Variants in TMEM272 observed in about 807,000 individuals in gnomAD.
The protein encoded by TMEM272 is transmembrane protein 272.
In TMEM272, 8 loss-of-function variants were observed where a neutral mutation model predicts 3.7. The ratio of observed to expected loss-of-function variants is 2.17; its 90% CI spans 1.27 to 3.91. The LOEUF is 3.91. Ranked by LOEUF, TMEM272 falls within the 30% of genes most tolerant of loss-of-function variation. The probability of loss-of-function intolerance (pLI) is 0.00; values close to 1 mark genes in which losing one functional copy is unlikely to be tolerated. For synonymous variants in TMEM272, 63 were observed against 39.8 expected, an observed-to-expected ratio of 1.58 and a Z score of -2.20; for missense variants, 166 against 91.5, an observed-to-expected ratio of 1.81 and a Z score of -3.32.
At chr13:51,909,377 G>A in the TMEM272 span, 22 of 866,680 alleles carry the variant, frequency 2.5e-5, no homozygotes, top group South Asian at 6.6e-5. Context: ...TGATCATTTC[G>A]TCTACTTTAG....
At chr13:51,901,217 TGAAG>T in the TMEM272 span, among the ~76,000 whole-genome samples, 4 of 152,140 alleles carry the variant, frequency 2.6e-5, no homozygotes, top group African/African-American at 9.7e-5. Flanking sequence ...CACAAAATTG[TGAAG>T]GAAGAGAACC....
intron 3 of TMEM272, among the ~76,000 whole-genome samples, chr13:51,825,511 T>C (rs563353845): frequency 6.6e-6 from 1 of 152,310 alleles, no homozygotes; most frequent in African/African-American, 2.4e-5. Flanking sequence ...GCAATTAGGG[T>C]ACTGGGTGTT....
chr13:51,916,119 T>C, the TMEM272 span, among the ~76,000 whole-genome samples: 301 of 152,298 alleles, frequency 2.0e-3, 2 homozygotes, highest in African/African-American at 6.9e-3. Context: ...GGAACGTGTA[T>C]GTGCTGGAGG....
intron 2 of TMEM272, among the ~76,000 whole-genome samples, chr13:51,832,083 T>C (rs999787466): frequency 1.3e-5 from 2 of 152,314 alleles, no homozygotes; most frequent in Non-Finnish European, 1.5e-5. Context: ...AGACAGACTA[T>C]TGGGAAGGGT....
At chr13:51,870,960 G>T in the TMEM272 span, among the ~76,000 whole-genome samples, 3 of 152,202 alleles carry the variant, frequency 2.0e-5, no homozygotes, top group African/African-American at 7.2e-5. Context: ...TATTGCAGAA[G>T]ATGGTGGTAT....
At chr13:51,836,586 C>T (rs1249028140) in intron 2 of TMEM272, among the ~76,000 whole-genome samples, 1 of 152,136 alleles carries the variant, frequency 6.6e-6, no homozygotes, top group Non-Finnish European at 1.5e-5. Context: ...GCCACCTGTC[C>T]CTCACTGGTA....
At chr13:51,865,414 G>A in the TMEM272 span, 4 of 1,607,556 alleles carry the variant, frequency 2.5e-6, no homozygotes, top group Non-Finnish European at 1.7e-6. Flanking sequence ...TAAGGAAGAT[G>A]TTTTCCTTCA....
At chr13:51,863,516 G>A in the TMEM272 span, among the ~76,000 whole-genome samples, 3 of 152,098 alleles carry the variant, frequency 2.0e-5, no homozygotes, top group African/African-American at 7.2e-5. Context: ...TCTGGATCTC[G>A]GCTAGGAGGG....
At chr13:51,911,094 C>T in the TMEM272 span, among the ~76,000 whole-genome samples, 2 of 152,312 alleles carry the variant, frequency 1.3e-5, no homozygotes, top group East Asian at 1.9e-4. Flanking sequence ...GAAATACCTG[C>T]CACCTTATCA....
At chr13:51,819,033 G>C (rs561732588) in intron 4 of TMEM272, among the ~76,000 whole-genome samples, 7 of 152,298 alleles carry the variant, frequency 4.6e-5, no homozygotes, top group Admixed American at 1.3e-4. Context: ...CCTAAGACTT[G>C]CAGCCCGGCT....
Position 51,813,569 on chromosome 13 carries a change from G to A in TMEM272, c.*3182C>T, listed in dbSNP as rs945925778. On this transcript the variant is annotated 3_prime_UTR_variant, in exon 5 of 5. Transcript: ENST00000629372. The stretch of plus-strand genomic sequence containing the variant: ...CCAGTCCAGGCTGTATGTGTGGCCC[G>A]AGTGCACACATGCGGTTTCTCTGGC... 1.8e-5 allele frequency: 5 copies of A among 283,370 alleles called. No individual in the cohort carries two copies. Among genetic ancestry groups the A allele is most frequent in the African/African-American group, 8.7e-5 (4 of 45,768 alleles). The allele number at this position is 283,370 out of a possible 1,614,324, so 17.6% of individuals were successfully genotyped here.
At chr13:51,871,803 C>T in the TMEM272 span, among the ~76,000 whole-genome samples, 1 of 138,902 alleles carries the variant, frequency 7.2e-6, no homozygotes, top group Admixed American at 7.0e-5. Context: ...CACACACACA[C>T]ACACACACAC....
the TMEM272 span, among the ~76,000 whole-genome samples, chr13:51,899,435 G>A: frequency 3.9e-5 from 6 of 152,118 alleles, no homozygotes; most frequent in Admixed American, 1.3e-4. Flanking sequence ...GCAACATTTG[G>A]CACTTGCAAA....
At chr13:51,817,174 G>C in intron 4 of TMEM272, 61 bp from the exon 5 acceptor site, 1 of 658,944 alleles carries the variant, frequency 1.5e-6, no homozygotes, top group Non-Finnish European at 2.8e-6. Flanking sequence ...GGGAAGAGAG[G>C]GGATAGAAGG....
chr13:51,898,237 A>ATAAG, the TMEM272 span, among the ~76,000 whole-genome samples: 8 of 151,280 alleles, frequency 5.3e-5, no homozygotes, highest in African/African-American at 9.7e-5. Context: ...AAATAAATAA[A>ATAAG]TAAAATAAAA....
the TMEM272 span, among the ~76,000 whole-genome samples, chr13:51,924,961 G>A: frequency 6.6e-6 from 1 of 152,210 alleles, no homozygotes; most frequent in Non-Finnish European, 1.5e-5. Context: ...ATTTTACGCT[G>A]CAGGACTTCT....
the TMEM272 span, chr13:51,910,334 A>G: frequency 1.5e-6 from 2 of 1,304,106 alleles, no homozygotes; most frequent in Non-Finnish European, 2.2e-6. Context: ...GAACAAGGCT[A>G]AATTTTTCAA....
At chr13:51,865,249 T>G in the TMEM272 span, 1 of 662,140 alleles carries the variant, frequency 1.5e-6, no homozygotes, top group Non-Finnish European at 2.5e-6. Context: ...TGATTACATT[T>G]TCTCAAATTC....
chr13:51,918,803 CT>C, the TMEM272 span, among the ~76,000 whole-genome samples: 6,917 of 81,400 alleles, frequency 0.085, 53 homozygotes, highest in Non-Finnish European at 0.1. Flanking sequence ...TTTTGAAATT[CT>C]TTTTTTTTTT....
Sources: gnomAD v4.1 joint callset for allele counts (sites outside exome capture counted in the v4.1 genomes callset) on GRCh38, gnomAD v4.1.1 for gene constraint, MANE v1.5 for transcripts, NCBI Gene and HGNC (gene_info 2026-07-23, HGNC 2026-07-21) for gene names.